GALNT13: variants seen among roughly 807,000 people sequenced by gnomAD.
GALNT13 encodes the protein polypeptide N-acetylgalactosaminyltransferase 13, also known as UDP-GalNAc:polypeptide N-acetylgalactosaminyltransferase 13.
Under a neutral mutation model 64.2 loss-of-function variants are expected in GALNT13, and 28 were observed. That is an observed-to-expected ratio of 0.44 (90% CI 0.32 to 0.60). The LOEUF (loss-of-function observed/expected upper bound fraction) is 0.60, where lower values mean the gene tolerates loss of function less well. Ranked by LOEUF, GALNT13 falls within the 20% of genes least tolerant of loss-of-function variation. The pLI is 0.05. For synonymous variants in GALNT13, 214 were observed against 224.6 expected, an observed-to-expected ratio of 0.95 and a Z score of 0.42; for missense variants, 577 against 669.8, an observed-to-expected ratio of 0.86 and a Z score of 1.53.
intron 4 of GALNT13, among the ~76,000 whole-genome samples, chr2:154,145,013 CT>C (rs1683482433): frequency 6.7e-6 from 1 of 148,946 alleles, no homozygotes; most frequent in Non-Finnish European, 1.5e-5. Context: ...GTTTTACCTT[CT>C]TGAAGGCCCT....
At chr2:154,210,036 TCTC>T (rs1331453013) in intron 4 of GALNT13, among the ~76,000 whole-genome samples, 6 of 152,166 alleles carry the variant, frequency 3.9e-5, no homozygotes, top group Admixed American at 2.6e-4. Context: ...AAACCACTGT[TCTC>T]CTCTCTGAGT....
chr2:153,440,725 G>A, the GALNT13 span, among the ~76,000 whole-genome samples: 1 of 152,038 alleles, frequency 6.6e-6, no homozygotes. Flanking sequence ...TTTTTCATAT[G>A]TCTGTTGGCC....
chr2:153,254,854 T>C, the GALNT13 span, among the ~76,000 whole-genome samples: 1 of 152,220 alleles, frequency 6.6e-6, no homozygotes, highest in Non-Finnish European at 1.5e-5. Flanking sequence ...TAATTTCTGT[T>C]CTTTTACATT....
the GALNT13 span, among the ~76,000 whole-genome samples, chr2:153,265,494 C>T: frequency 6.6e-6 from 1 of 152,178 alleles, no homozygotes; most frequent in Non-Finnish European, 1.5e-5. Flanking sequence ...ACTGCATTCT[C>T]TCTCCTCTAA....
At chr2:153,853,594 C>T in the GALNT13 span, among the ~76,000 whole-genome samples, 1 of 151,908 alleles carries the variant, frequency 6.6e-6, no homozygotes, top group Non-Finnish European at 1.5e-5. Context: ...TAGATACATG[C>T]AACAACATGG....
chr2:153,553,735 G>T, the GALNT13 span, among the ~76,000 whole-genome samples: 1 of 152,178 alleles, frequency 6.6e-6, no homozygotes. Flanking sequence ...TTCCAGGAAC[G>T]AGGGAACCAG....
the GALNT13 span, among the ~76,000 whole-genome samples, chr2:153,860,356 T>C: frequency 6.6e-6 from 1 of 152,234 alleles, no homozygotes; most frequent in Admixed American, 6.5e-5. Flanking sequence ...TCCTTGTACT[T>C]GCCCTAGTGA....
At chr2:153,252,964 G>A in the GALNT13 span, among the ~76,000 whole-genome samples, 1 of 151,820 alleles carries the variant, frequency 6.6e-6, no homozygotes, top group African/African-American at 2.4e-5. Context: ...CTCTTTTTTG[G>A]TTCCATATGA....
At chr2:153,254,816 A>G in the GALNT13 span, among the ~76,000 whole-genome samples, 5,339 of 152,172 alleles carry the variant, frequency 0.035, 316 homozygotes, top group African/African-American at 0.12. Flanking sequence ...TAGTTTGATT[A>G]CACTGTGGTC....
chr2:153,463,048 T>G, the GALNT13 span, among the ~76,000 whole-genome samples: 1 of 152,090 alleles, frequency 6.6e-6, no homozygotes, highest in South Asian at 2.1e-4. Context: ...AAAATGTAAT[T>G]TATAGCCTCA....
chr2:153,226,054 C>T, the GALNT13 span, among the ~76,000 whole-genome samples: 2 of 152,048 alleles, frequency 1.3e-5, no homozygotes, highest in African/African-American at 4.8e-5. Flanking sequence ...CTGCTTCAGC[C>T]TCCTTAGTAG....
the GALNT13 span, among the ~76,000 whole-genome samples, chr2:153,197,923 A>G: frequency 6.6e-6 from 1 of 152,164 alleles, no homozygotes; most frequent in Non-Finnish European, 1.5e-5. Context: ...GGGGGGTTTC[A>G]GGCTCTTCGG....
At chr2:153,801,659 G>A in the GALNT13 span, among the ~76,000 whole-genome samples, 2 of 152,086 alleles carry the variant, frequency 1.3e-5, no homozygotes, top group African/African-American at 4.8e-5. Flanking sequence ...ATAATGAAAA[G>A]TTTCAAATAT....
chr2:154,226,630 A>G (rs1688630176), intron 4 of GALNT13, among the ~76,000 whole-genome samples: 1 of 152,094 alleles, frequency 6.6e-6, no homozygotes, highest in Non-Finnish European at 1.5e-5. Context: ...ACTATTTAAT[A>G]TTTTTTAAAT....
At chr2:153,394,657 C>T in the GALNT13 span, among the ~76,000 whole-genome samples, 2 of 152,106 alleles carry the variant, frequency 1.3e-5, no homozygotes, top group South Asian at 2.1e-4. Flanking sequence ...ATGTTCCAAT[C>T]ACAGTGATAA....
chr2:153,481,328 C>T, the GALNT13 span, among the ~76,000 whole-genome samples: 1 of 152,128 alleles, frequency 6.6e-6, no homozygotes, highest in East Asian at 1.9e-4. Flanking sequence ...TTATGTTTTA[C>T]AGAATCCCTT....
At chr2:153,266,462 GA>G in the GALNT13 span, among the ~76,000 whole-genome samples, 1 of 151,844 alleles carries the variant, frequency 6.6e-6, no homozygotes. Flanking sequence ...AATTTAAAAA[GA>G]AAAAAAGGTT....
chr2:153,604,304 T>A, the GALNT13 span, among the ~76,000 whole-genome samples: 1 of 152,042 alleles, frequency 6.6e-6, no homozygotes, highest in Non-Finnish European at 1.5e-5. Context: ...AACCTGAAAC[T>A]TCATGGAAAA....
chr2:153,419,744 A>G, the GALNT13 span, among the ~76,000 whole-genome samples: 1 of 152,204 alleles, frequency 6.6e-6, no homozygotes, highest in Non-Finnish European at 1.5e-5. Flanking sequence ...ATCATTGTCA[A>G]TTTCTGGTTG....
Sources: allele counts gnomAD v4.1 joint callset (sites outside exome capture counted in the v4.1 genomes callset), GRCh38; gene constraint gnomAD v4.1.1; transcripts MANE v1.5; gene names NCBI Gene and HGNC (gene_info 2026-07-23, HGNC 2026-07-21).